Variants in MECOM observed in about 807,000 individuals in gnomAD.
The protein encoded by MECOM is MDS1 and EVI1 complex locus.
MECOM carries 13 observed loss-of-function variants against 116.3 expected under a neutral mutation model. That is an observed-to-expected ratio of 0.11 (90% CI 0.07 to 0.18). MECOM has a LOEUF of 0.18. Ranked by LOEUF, MECOM falls within the 10% of genes least tolerant of loss-of-function variation. The pLI is 1.00. For missense variants in MECOM, 1,299 were observed against 1,509.0 expected (o/e 0.86, Z 2.31); for synonymous variants, 528 against 535.2 (o/e 0.99, Z 0.19).
chr3:169,472,518 G>GAAAAGA (rs1749522201), intron 1 of MECOM, among the ~76,000 whole-genome samples: 2 of 70,110 alleles, frequency 2.9e-5, no homozygotes, highest in African/African-American at 1.5e-4. Flanking sequence ...GAAAGGAAAG[G>GAAAAGA]AAAGAAAAGA....
chr3:169,559,046 GCACA>G (rs113971910), intron 1 of MECOM, among the ~76,000 whole-genome samples: 86 of 148,490 alleles, frequency 5.8e-4, no homozygotes, highest in Admixed American at 3.9e-3. Flanking sequence ...ACACACACGC[GCACA>G]CACACACACA....
chr3:169,202,618 G>A (rs762472656), intron 2 of MECOM, among the ~76,000 whole-genome samples: 2 of 151,904 alleles, frequency 1.3e-5, no homozygotes, highest in Admixed American at 6.6e-5. Context: ...AATGTACAGA[G>A]AGGCCTTTAC....
intron 2 of MECOM, among the ~76,000 whole-genome samples, chr3:169,303,229 A>G (rs927132259): frequency 6.6e-6 from 1 of 152,128 alleles, no homozygotes; most frequent in Non-Finnish European, 1.5e-5. Flanking sequence ...CCCCCTTCCC[A>G]CAAAACAAGA....
intron 1 of MECOM, among the ~76,000 whole-genome samples, chr3:169,558,190 C>T (rs963966864): frequency 1.3e-5 from 2 of 152,128 alleles, no homozygotes; most frequent in African/African-American, 4.8e-5. Context: ...TTTGGAATGG[C>T]TTATTTTCCT....
At chr3:169,174,044 C>T (rs867328062) in intron 2 of MECOM, among the ~76,000 whole-genome samples, 7 of 152,192 alleles carry the variant, frequency 4.6e-5, no homozygotes, top group African/African-American at 1.7e-4. Flanking sequence ...CATATCCTGT[C>T]TACCCTTGAC....
chr3:169,270,747 G>A (rs1447825672), intron 2 of MECOM, among the ~76,000 whole-genome samples: 1 of 151,838 alleles, frequency 6.6e-6, no homozygotes, highest in Non-Finnish European at 1.5e-5. Flanking sequence ...TAACACTAGA[G>A]GGAAAAATAA....
intron 1 of MECOM, chr3:169,484,140 T>A: frequency 1.4e-6 from 1 of 716,970 alleles, no homozygotes; most frequent in Non-Finnish European, 2.4e-6. Context: ...TGATTCTTTT[T>A]ATCTCACAAT....
chr3:169,105,981 A>C (rs1725274189), intron 10 of MECOM, among the ~76,000 whole-genome samples: 1 of 152,202 alleles, frequency 6.6e-6, no homozygotes, highest in Non-Finnish European at 1.5e-5. Flanking sequence ...AATTGATGAC[A>C]AAAAGGTTTC....
chr3:169,186,383 AGGGAGGGAGGGAGGGAGGG>A (rs1559966892), intron 2 of MECOM, among the ~76,000 whole-genome samples: 3,409 of 25,398 alleles, frequency 0.13, 76 homozygotes, highest in Non-Finnish European at 0.19. Context: ...GAAGGAAGGG[AGGGAGGGAGGGAGGGAGGG>A]AGGGAGGGAG....
chr3:169,552,612 A>G (rs1761546530), intron 1 of MECOM, among the ~76,000 whole-genome samples: 1 of 152,116 alleles, frequency 6.6e-6, no homozygotes, highest in Admixed American at 6.5e-5. Context: ...TGGAGCCAGG[A>G]TCCAAGCCGA....
chr3:169,629,356 C>T (rs1314306978), intron 1 of MECOM, among the ~76,000 whole-genome samples: 4 of 151,748 alleles, frequency 2.6e-5, no homozygotes, highest in Non-Finnish European at 5.9e-5. Context: ...TTTTTCTAGC[C>T]TCTGTGTATC....
chr3:169,575,985 A>G (rs1008377173), intron 1 of MECOM, among the ~76,000 whole-genome samples: 41 of 152,334 alleles, frequency 2.7e-4, no homozygotes, highest in African/African-American at 9.6e-4. Flanking sequence ...CAAAATTCTA[A>G]GGTGCCTGTA....
chr3:169,186,655 T>TA (rs1045650771), intron 2 of MECOM, among the ~76,000 whole-genome samples: 2 of 152,046 alleles, frequency 1.3e-5, no homozygotes, highest in South Asian at 2.1e-4. Flanking sequence ...TACCCCTCAA[T>TA]AAAAAAATAG....
chr3:169,529,145 C>T (rs917528511), intron 1 of MECOM, among the ~76,000 whole-genome samples: 2 of 152,136 alleles, frequency 1.3e-5, no homozygotes, highest in Non-Finnish European at 2.9e-5. Flanking sequence ...GACACCACTT[C>T]AGCTGCTGGG....
At chr3:169,107,978 A>C in intron 9 of MECOM, 26 bp from the exon 10 acceptor site, 1 of 1,608,096 alleles carries the variant, frequency 6.2e-7, no homozygotes, top group East Asian at 2.2e-5. Flanking sequence ...AAACAAAAAC[A>C]AAAAATTACT....
At chr3:169,398,186 G>A (rs927036772) in intron 1 of MECOM, among the ~76,000 whole-genome samples, 3 of 152,090 alleles carry the variant, frequency 2.0e-5, no homozygotes, top group African/African-American at 7.2e-5. Flanking sequence ...AAAATCTTTT[G>A]TTTGCAACAA....
chr3:169,541,051 G>C (rs1316489529), intron 1 of MECOM, among the ~76,000 whole-genome samples: 1 of 152,140 alleles, frequency 6.6e-6, no homozygotes, highest in Non-Finnish European at 1.5e-5. Context: ...AAAAATAAAT[G>C]AACCAATCCA....
At position 169,348,167 on chromosome 3, in the gene MECOM, G is replaced by A. The variant is rs149326762; in HGVS notation, c.375+33020C>T. Among the ~76,000 whole-genome samples, 284 of 152,174 alleles carry A rather than the reference G, an allele frequency of 1.9e-3. 2 individuals carry two copies. The highest frequency in any genetic ancestry group is 6.5e-3 in the African/African-American group (269 of 41,548). On this transcript the variant is annotated intron_variant, in intron 2 of 16. Transcript: ENST00000651503. ...AGCAGTGGTAGTGTATGTGAGAGTG[G>A]AGAAAGATGGGAATATTGCAGATTC...
At chr3:169,262,573 T>C (rs919597827) in intron 2 of MECOM, among the ~76,000 whole-genome samples, 2 of 152,154 alleles carry the variant, frequency 1.3e-5, no homozygotes, top group African/African-American at 4.8e-5. Context: ...CACGTTAGGC[T>C]GGGCTCTTTA....
Sources: gnomAD v4.1 joint callset for allele counts (sites outside exome capture counted in the v4.1 genomes callset) on GRCh38, gnomAD v4.1.1 for gene constraint, MANE v1.5 for transcripts, NCBI Gene and HGNC (gene_info 2026-07-23, HGNC 2026-07-21) for gene names.